STXBP5L: variants seen among roughly 807,000 people sequenced by gnomAD.
The protein encoded by STXBP5L is syntaxin binding protein 5L.
STXBP5L carries 65 observed loss-of-function variants against 144.5 expected under a neutral mutation model. The observed-to-expected ratio is 0.45, with a 90% CI of 0.37 to 0.55. STXBP5L has a LOEUF of 0.55. Ranked by LOEUF, STXBP5L falls within the 20% of genes least tolerant of loss-of-function variation. STXBP5L has a pLI of 0.00. For synonymous variants in STXBP5L, 505 were observed against 469.6 expected (o/e 1.08, Z -0.97); for missense variants, 1,298 against 1,405.5 (o/e 0.92, Z 1.22).
chr3:121,054,067 C>T (rs1283318829), intron 5 of STXBP5L, among the ~76,000 whole-genome samples: 2 of 152,060 alleles, frequency 1.3e-5, no homozygotes, highest in Admixed American at 6.6e-5. Flanking sequence ...GTTAGAATGG[C>T]AATCATTAAA....
At chr3:121,248,508 T>G (rs1176836981) in intron 14 of STXBP5L, among the ~76,000 whole-genome samples, 2 of 152,164 alleles carry the variant, frequency 1.3e-5, no homozygotes, top group Admixed American at 6.5e-5. Flanking sequence ...CGCTTTTTGG[T>G]TTGTTCAAGT....
At chr3:120,955,069 C>T in intron 3 of STXBP5L, 32 bp downstream of exon 3, 1 of 1,393,804 alleles carries the variant, frequency 7.2e-7, no homozygotes, top group Non-Finnish European at 1.0e-6. Flanking sequence ...TTATCTGCCA[C>T]AGTAATGCCA....
chr3:121,061,067 G>T (rs138347349), intron 5 of STXBP5L, among the ~76,000 whole-genome samples: 16 of 152,148 alleles, frequency 1.1e-4, no homozygotes, highest in African/African-American at 3.9e-4. Flanking sequence ...TGATGTTAGG[G>T]TATTGATTTT....
At chr3:121,067,442 A>G (rs2041601396) in intron 5 of STXBP5L, among the ~76,000 whole-genome samples, 2 of 152,242 alleles carry the variant, frequency 1.3e-5, no homozygotes, top group African/African-American at 4.8e-5. Flanking sequence ...AGAGTTTTCT[A>G]TCTCTTGTTA....
intron 5 of STXBP5L, among the ~76,000 whole-genome samples, chr3:121,108,711 G>T (rs1008306703): frequency 1.3e-5 from 2 of 152,120 alleles, no homozygotes; most frequent in Non-Finnish European, 2.9e-5. Flanking sequence ...TTGGTATCAG[G>T]ATGATGCTGG....
intron 11 of STXBP5L, among the ~76,000 whole-genome samples, chr3:121,229,558 A>T (rs1395218789): frequency 6.6e-6 from 1 of 151,772 alleles, no homozygotes; most frequent in Non-Finnish European, 1.5e-5. Context: ...ATTATTTTTC[A>T]TTTTTTTACT....
intron 5 of STXBP5L, among the ~76,000 whole-genome samples, chr3:121,049,092 G>T (rs748417473): frequency 1.3e-5 from 2 of 152,014 alleles, no homozygotes; most frequent in Non-Finnish European, 2.9e-5. Flanking sequence ...GTAGGGGGTG[G>T]CTAGAGACCC....
intron 5 of STXBP5L, among the ~76,000 whole-genome samples, chr3:121,096,152 C>G (rs2043117496): frequency 6.6e-6 from 1 of 152,146 alleles, no homozygotes; most frequent in South Asian, 2.1e-4. Context: ...AACCCGGTAC[C>G]TCAGTTGGAA....
intron 11 of STXBP5L, among the ~76,000 whole-genome samples, chr3:121,226,154 A>T (rs2049118288): frequency 6.6e-6 from 1 of 152,202 alleles, no homozygotes; most frequent in Non-Finnish European, 1.5e-5. Context: ...TAAGGTTGTG[A>T]GCTATCCCAA....
At chr3:121,268,129 T>A (rs1399284447) in intron 18 of STXBP5L, among the ~76,000 whole-genome samples, 1 of 152,142 alleles carries the variant, frequency 6.6e-6, no homozygotes, top group East Asian at 1.9e-4. Flanking sequence ...TGCAGCACTG[T>A]CCACGATAGC....
At chr3:120,994,217 A>G (rs530306420) in intron 3 of STXBP5L, among the ~76,000 whole-genome samples, 1 of 152,154 alleles carries the variant, frequency 6.6e-6, no homozygotes, top group South Asian at 2.1e-4. Context: ...TTTTCTGAAT[A>G]TAAGATTATT....
At chr3:121,228,769 C>T (rs987242352) in intron 11 of STXBP5L, among the ~76,000 whole-genome samples, 2 of 151,988 alleles carry the variant, frequency 1.3e-5, no homozygotes, top group Non-Finnish European at 1.5e-5. Flanking sequence ...CCCAGCTACT[C>T]GGGAGGCTGA....
chr3:121,379,042 C>T (rs920996240), intron 21 of STXBP5L, among the ~76,000 whole-genome samples, 156 bp downstream of exon 21: 5 of 152,078 alleles, frequency 3.3e-5, no homozygotes, highest in Non-Finnish European at 5.9e-5. Context: ...GGCCATAACT[C>T]CAACTCCATT....
chr3:121,215,357 A>G (rs954450312), intron 10 of STXBP5L, among the ~76,000 whole-genome samples: 2 of 151,922 alleles, frequency 1.3e-5, no homozygotes, highest in South Asian at 2.1e-4. Context: ...TTTGTTTCCA[A>G]ATTTAGTACT....
intron 20 of STXBP5L, among the ~76,000 whole-genome samples, chr3:121,359,858 T>G (rs1332430245): frequency 6.6e-6 from 1 of 151,474 alleles, no homozygotes. Context: ...ACCTCTGTAG[T>G]ATAATTTGTA....
At chr3:121,103,205 A>G (rs544692486) in intron 5 of STXBP5L, among the ~76,000 whole-genome samples, 51 of 148,560 alleles carry the variant, frequency 3.4e-4, no homozygotes, top group Non-Finnish European at 6.5e-4. Flanking sequence ...GTATATATCC[A>G]TAGAAAAATA....
intron 9 of STXBP5L, among the ~76,000 whole-genome samples, chr3:121,196,599 G>GT (rs893009697): frequency 1.9e-4 from 29 of 151,712 alleles, no homozygotes; most frequent in East Asian, 1.4e-3. Flanking sequence ...TTTCAGTTTA[G>GT]TTTTTTTTAT....
At chr3:121,045,049 A>G (rs1172974969) in intron 4 of STXBP5L, among the ~76,000 whole-genome samples, 3 of 152,124 alleles carry the variant, frequency 2.0e-5, no homozygotes, top group Non-Finnish European at 2.9e-5. Flanking sequence ...ATTTTGTAAG[A>G]CTGCATTGAA....
At chr3:120,977,976 C>T (rs567128666) in intron 3 of STXBP5L, among the ~76,000 whole-genome samples, 2 of 152,338 alleles carry the variant, frequency 1.3e-5, no homozygotes, top group East Asian at 3.9e-4. Flanking sequence ...CTGCCCTTAA[C>T]ATTTTTTCCT....
Sources: allele counts gnomAD v4.1 joint callset (sites outside exome capture counted in the v4.1 genomes callset), GRCh38; gene constraint gnomAD v4.1.1; transcripts MANE v1.5; gene names NCBI Gene and HGNC (gene_info 2026-07-23, HGNC 2026-07-21).